Variants in LEF1 observed in about 807,000 individuals in gnomAD.
The protein encoded by LEF1 is lymphoid enhancer-binding factor 1.
LEF1 carries 14 observed loss-of-function variants against 51.2 expected under a neutral mutation model. That is an observed-to-expected ratio of 0.27 (90% CI 0.18 to 0.43). The LOEUF (loss-of-function observed/expected upper bound fraction) is 0.43. LEF1 is among the 20% of genes least tolerant of loss of function. The pLI, the probability that LEF1 is intolerant of heterozygous loss-of-function variation, is 1.00. For missense variants in LEF1, 386 were observed against 512.0 expected (o/e 0.75, Z 2.37); for synonymous variants, 185 against 183.2 (o/e 1.01, Z -0.08).
chr4:108,109,857 A>AG (rs1238263349), intron 3 of LEF1, among the ~76,000 whole-genome samples: 2 of 152,142 alleles, frequency 1.3e-5, no homozygotes, highest in African/African-American at 2.4e-5. Flanking sequence ...CTCTTGGGGA[A>AG]GGGGGGCAGG....
chr4:108,079,390 C>T, intron 7 of LEF1, 102 bp downstream of exon 7: 1 of 1,333,294 alleles, frequency 7.5e-7, no homozygotes, highest in Non-Finnish European at 1.1e-6. Context: ...TTGAGTTTCA[C>T]AGCAACACAA....
intron 3 of LEF1, among the ~76,000 whole-genome samples, chr4:108,105,018 C>T (rs1256289649): frequency 8.5e-5 from 13 of 152,160 alleles, no homozygotes. Context: ...ACTCTAAAAT[C>T]ACAGGCATGA....
At chr4:108,079,638 A>T (rs1202330961) in intron 6 of LEF1, 24 bp from the exon 7 acceptor site, 1 of 1,613,634 alleles carries the variant, frequency 6.2e-7, no homozygotes, top group Admixed American at 1.7e-5. Context: ...AGAGAAGAAA[A>T]CAATGTACTA....
Position 108,081,683 on chromosome 4 carries a change from A to G in LEF1, c.639-14T>C. The G allele has an allele frequency of 6.2e-7, 1 of 1,609,072 alleles. No homozygotes were observed. The highest frequency in any genetic ancestry group is 1.1e-5 in the South Asian group (1 of 90,846). On this transcript the variant is annotated splice_polypyrimidine_tract_variant and intron_variant, in intron 5 of 11. Coordinates refer to ENST00000265165, the MANE Select transcript of LEF1 (RefSeq NM_016269.5). ...GGCTGACCTTGCCTGAGGTCACAGA[A>G]GAAAGGAACCCATCAATGACAAAAC...
At chr4:108,133,420 C>T (rs1369498877) in intron 3 of LEF1, among the ~76,000 whole-genome samples, 3 of 152,172 alleles carry the variant, frequency 2.0e-5, no homozygotes, top group African/African-American at 7.2e-5. Flanking sequence ...CATTAGGTGC[C>T]TGTACTCTCC....
intron 1 of LEF1, chr4:108,166,659 A>G (rs1016295801): frequency 9.9e-7 from 1 of 1,008,528 alleles, no homozygotes; most frequent in African/African-American, 1.7e-5. Flanking sequence ...TCAGGTTACC[A>G]GCTCTATCGC....
chr4:108,124,638 G>A (rs1479238472), intron 3 of LEF1, among the ~76,000 whole-genome samples: 3 of 152,144 alleles, frequency 2.0e-5, no homozygotes, highest in African/African-American at 4.8e-5. Flanking sequence ...AAAGTGCTGG[G>A]ATTACAGGCA....
chr4:108,104,477 AT>A (rs1331299969), intron 3 of LEF1, among the ~76,000 whole-genome samples: 1 of 143,762 alleles, frequency 7.0e-6, no homozygotes, highest in African/African-American at 2.6e-5. Context: ...TATATATAAA[AT>A]ATATATATAA....
chr4:108,123,929 G>A (rs989112984), intron 3 of LEF1, among the ~76,000 whole-genome samples: 1 of 152,054 alleles, frequency 6.6e-6, no homozygotes, highest in Non-Finnish European at 1.5e-5. Context: ...ATCACCTGAG[G>A]CCAGGAGTTC....
chr4:108,080,950 G>C (rs1230671717), intron 6 of LEF1, among the ~76,000 whole-genome samples: 1 of 151,974 alleles, frequency 6.6e-6, no homozygotes, highest in East Asian at 1.9e-4. Context: ...ATCCTCTCCA[G>C]AAGCAAAAGC....
chr4:108,158,705 T>C (rs568508870), intron 3 of LEF1, among the ~76,000 whole-genome samples: 33 of 152,136 alleles, frequency 2.2e-4, no homozygotes, highest in African/African-American at 7.0e-4. Context: ...ACCCAAATGG[T>C]TCTGTCTAAA....
At chr4:108,105,099 A>G (rs1741071586) in intron 3 of LEF1, among the ~76,000 whole-genome samples, 1 of 152,138 alleles carries the variant, frequency 6.6e-6, no homozygotes, top group African/African-American at 2.4e-5. Context: ...TTTAACCCTC[A>G]GAGCTTAATA....
At chr4:108,143,884 C>A (rs149200263) in intron 3 of LEF1, among the ~76,000 whole-genome samples, 12 of 152,272 alleles carry the variant, frequency 7.9e-5, no homozygotes, top group African/African-American at 2.9e-4. Context: ...AAATTGCCAT[C>A]ATTGAGAATG....
chr4:108,105,154 T>A (rs187202460), intron 3 of LEF1, among the ~76,000 whole-genome samples: 169 of 151,698 alleles, frequency 1.1e-3, no homozygotes, highest in African/African-American at 2.7e-3. Flanking sequence ...CTGCTTTTTT[T>A]AAACTTAAAA....
chr4:108,079,021 C>T (rs1387993344), intron 7 of LEF1, among the ~76,000 whole-genome samples: 1 of 152,188 alleles, frequency 6.6e-6, no homozygotes, highest in Non-Finnish European at 1.5e-5. Flanking sequence ...CTGAGACAAC[C>T]CTGGCCCAAC....
chr4:108,087,456 T>C (rs950421999), intron 4 of LEF1, among the ~76,000 whole-genome samples: 3 of 151,906 alleles, frequency 2.0e-5, no homozygotes, highest in Non-Finnish European at 4.4e-5. Flanking sequence ...AGCAATGATA[T>C]AACTTAACAA....
chr4:108,163,468 T>C (rs969189717), intron 3 of LEF1, 100 bp downstream of exon 3: 4 of 1,295,650 alleles, frequency 3.1e-6, no homozygotes, highest in Admixed American at 1.9e-5. Context: ...TTATATATAA[T>C]GAAAGCATTA....
At chr4:108,140,369 G>A (rs1359510146) in intron 3 of LEF1, among the ~76,000 whole-genome samples, 3 of 152,174 alleles carry the variant, frequency 2.0e-5, no homozygotes, top group East Asian at 1.9e-4. Context: ...CTTGTCCTCC[G>A]TGTTTCCTTG....
chr4:108,117,244 A>G (rs1291789271), intron 3 of LEF1, among the ~76,000 whole-genome samples: 1 of 152,030 alleles, frequency 6.6e-6, no homozygotes, highest in Admixed American at 6.5e-5. Flanking sequence ...ACATATAAAC[A>G]TTTTTTAAAA....
Sources: allele counts gnomAD v4.1 joint callset (sites outside exome capture counted in the v4.1 genomes callset), GRCh38; gene constraint gnomAD v4.1.1; transcripts MANE v1.5; gene names NCBI Gene and HGNC (gene_info 2026-07-23, HGNC 2026-07-21).